UBASH3B: variants seen among roughly 807,000 people sequenced by gnomAD.
The protein encoded by UBASH3B is ubiquitin associated and SH3 domain containing B, also known as ubiquitin-associated and SH3 domain-containing protein B.
A neutral mutation model predicts 83.4 loss-of-function variants in UBASH3B; 37 were observed. That is an observed-to-expected ratio of 0.44 (90% CI 0.34 to 0.58). The LOEUF is 0.58. Ranked by LOEUF, UBASH3B falls within the 20% of genes least tolerant of loss-of-function variation. The pLI is 0.01. For synonymous variants in UBASH3B, 304 were observed against 318.3 expected, an observed-to-expected ratio of 0.96 and a Z score of 0.48; for missense variants, 657 against 827.2, an observed-to-expected ratio of 0.79 and a Z score of 2.52.
chr11:122,737,275 C>T (rs1860949345), intron 1 of UBASH3B, among the ~76,000 whole-genome samples: 1 of 152,120 alleles, frequency 6.6e-6, no homozygotes, highest in Admixed American at 6.5e-5. Flanking sequence ...AAGGGCAAAA[C>T]CGGAAGCAGG....
intron 1 of UBASH3B, among the ~76,000 whole-genome samples, chr11:122,693,012 C>T (rs543788017): frequency 1.2e-4 from 18 of 152,172 alleles, no homozygotes; most frequent in Non-Finnish European, 2.1e-4. Context: ...TTGGGATGGG[C>T]AGTGGAGTTA....
At chr11:122,726,997 G>A (rs1300534016) in intron 1 of UBASH3B, among the ~76,000 whole-genome samples, 6 of 152,228 alleles carry the variant, frequency 3.9e-5, no homozygotes, top group Non-Finnish European at 5.9e-5. Context: ...TTGTCCACGG[G>A]TCCCAGGACT....
rs537087531 is a variant in UBASH3B, at chr11:122,767,170, C to T, written c.162-9049C>T. 3.3e-5 allele frequency among the ~76,000 whole-genome samples: 5 copies of T among 151,444 alleles called. No homozygotes were observed. The South Asian group carries it at 8.3e-4, about 25-fold the overall frequency. On this transcript the variant is annotated intron_variant, in intron 1 of 13. Coordinates refer to ENST00000284273, the MANE Select transcript of UBASH3B (RefSeq NM_032873.5). ...GCTCATGCCTGTAATCCCAGCTACT[C>T]GGGAGGCTGAGGCAGGAGAATTGCT...
intron 1 of UBASH3B, among the ~76,000 whole-genome samples, chr11:122,688,694 G>C (rs1863843663): frequency 6.7e-6 from 1 of 150,310 alleles, no homozygotes; most frequent in Non-Finnish European, 1.5e-5. Flanking sequence ...GCCCAGGCTG[G>C]AGTGCAGTAG....
intron 1 of UBASH3B, among the ~76,000 whole-genome samples, chr11:122,772,052 C>T (rs1591806649): frequency 6.6e-6 from 1 of 152,212 alleles, no homozygotes; most frequent in African/African-American, 2.4e-5. Flanking sequence ...AAGCTAGAAG[C>T]TTATGTGGTG....
intron 1 of UBASH3B, among the ~76,000 whole-genome samples, chr11:122,739,268 A>T (rs547345973): frequency 6.6e-6 from 1 of 152,304 alleles, no homozygotes; most frequent in Admixed American, 6.5e-5. Context: ...CAATAGAGAG[A>T]AGTATGGATT....
At position 122,810,025 on chromosome 11, in the gene UBASH3B, T is replaced by C. The variant is rs1195435729; in HGVS notation, c.*139T>C. On this transcript the variant is annotated 3_prime_UTR_variant, in exon 14 of 14. Transcript: ENST00000284273. ...ATATTTCCTTTCACACTTAAAGTTCTTAAGATGAGACTGTGTAAATGAGAG... is the reference window on the plus strand; with the variant it reads ...ATATTTCCTTTCACACTTAAAGTTCCTAAGATGAGACTGTGTAAATGAGAG... 9.6e-7 allele frequency: 1 copy of C among 1,042,730 alleles called. No homozygotes were observed. The highest frequency in any genetic ancestry group is 1.4e-6 in the Non-Finnish European group (1 of 730,630). The allele number at this position is 1,042,730 out of a possible 1,614,324, so 64.6% of individuals were successfully genotyped here.
chr11:122,788,567 C>A (rs1340731136), intron 5 of UBASH3B, among the ~76,000 whole-genome samples: 3 of 152,054 alleles, frequency 2.0e-5, no homozygotes, highest in African/African-American at 7.2e-5. Flanking sequence ...GAAACTCTAT[C>A]TCAAAATAAT....
At chr11:122,771,476 G>A (rs1860641631) in intron 1 of UBASH3B, among the ~76,000 whole-genome samples, 1 of 152,210 alleles carries the variant, frequency 6.6e-6, no homozygotes, top group African/African-American at 2.4e-5. Context: ...CCTCTCCTCA[G>A]GTGATCCACC....
At position 122,711,600 on chromosome 11, in the gene UBASH3B, C is replaced by T. The variant is rs576132940; in HGVS notation, c.161+55390C>T. Among the ~76,000 whole-genome samples the T allele has an allele frequency of 2.0e-4, 31 of 152,324 alleles. 1 individual carries two copies. The South Asian group carries it at 6.2e-3, about 31-fold the overall frequency. ...CCTCTAAGTCTCCTGAGCATGCCCC[C>T]GGGCACTTCAGCCTGGCCTTGGCCT... On this transcript the variant is annotated intron_variant, in intron 1 of 13. Coordinates refer to ENST00000284273, the MANE Select transcript of UBASH3B (RefSeq NM_032873.5).
intron 1 of UBASH3B, among the ~76,000 whole-genome samples, chr11:122,736,674 A>G (rs79692183): frequency 0.015 from 2,319 of 152,064 alleles, 59 homozygotes; most frequent in African/African-American, 0.053. Context: ...GAAAACACAC[A>G]TCAAATAAGT....
chr11:122,685,504 A>G (rs1329859687), intron 1 of UBASH3B, among the ~76,000 whole-genome samples: 1 of 152,168 alleles, frequency 6.6e-6, no homozygotes, highest in Admixed American at 6.5e-5. Flanking sequence ...CATCCTCGTG[A>G]TAATGAAAAT....
chr11:122,735,158 A>G (rs997880270), intron 1 of UBASH3B, among the ~76,000 whole-genome samples: 2 of 152,228 alleles, frequency 1.3e-5, no homozygotes, highest in Non-Finnish European at 2.9e-5. Context: ...AATTCCAAGC[A>G]AAATGACATT....
chr11:122,756,352 T>C (rs1458357396), intron 1 of UBASH3B, among the ~76,000 whole-genome samples: 2 of 152,228 alleles, frequency 1.3e-5, no homozygotes, highest in Non-Finnish European at 2.9e-5. Flanking sequence ...AGCTTCCTGG[T>C]CTTTAAAATT....
At chr11:122,659,658 A>G (rs952086653) in intron 1 of UBASH3B, among the ~76,000 whole-genome samples, 1 of 152,244 alleles carries the variant, frequency 6.6e-6, no homozygotes, top group Non-Finnish European at 1.5e-5. Flanking sequence ...GCTGAGCATA[A>G]TGAAAATCCA....
At chr11:122,740,716 G>A (rs1178772792) in intron 1 of UBASH3B, among the ~76,000 whole-genome samples, 1 of 152,086 alleles carries the variant, frequency 6.6e-6, no homozygotes, top group East Asian at 1.9e-4. Flanking sequence ...GGCCATCTGT[G>A]TACATGTGTG....
intron 5 of UBASH3B, among the ~76,000 whole-genome samples, chr11:122,785,914 A>C (rs1010319028): frequency 2.6e-5 from 4 of 152,222 alleles, no homozygotes; most frequent in African/African-American, 9.6e-5. Flanking sequence ...AGGGCTCCAA[A>C]GGCAGTTCGG....
At chr11:122,774,556 C>A (rs983648129) in intron 1 of UBASH3B, among the ~76,000 whole-genome samples, 1 of 152,184 alleles carries the variant, frequency 6.6e-6, no homozygotes, top group Non-Finnish European at 1.5e-5. Flanking sequence ...GCAATTCTCA[C>A]AGCATCGGTC....
At chr11:122,721,393 T>C (rs1331515984) in intron 1 of UBASH3B, among the ~76,000 whole-genome samples, 4 of 151,942 alleles carry the variant, frequency 2.6e-5, no homozygotes, top group Non-Finnish European at 5.9e-5. Context: ...GGAGTGGGAA[T>C]GTGGTGGCTG....
Sources: gnomAD v4.1 joint callset for allele counts (sites outside exome capture counted in the v4.1 genomes callset) on GRCh38, gnomAD v4.1.1 for gene constraint, MANE v1.5 for transcripts, NCBI Gene and HGNC (gene_info 2026-07-23, HGNC 2026-07-21) for gene names.